Variants in RTN4R observed in about 807,000 individuals in gnomAD.
RTN4R encodes the protein reticulon-4 receptor.
In RTN4R, 4 loss-of-function variants were observed where a neutral mutation model predicts 27.7. That is an observed-to-expected ratio of 0.14 (90% CI 0.07 to 0.33). RTN4R has a LOEUF of 0.33. Ranked by LOEUF, RTN4R falls within the 10% of genes least tolerant of loss-of-function variation. The pLI is 1.00. For synonymous variants in RTN4R, 290 were observed against 305.6 expected (o/e 0.95, Z 0.53); for missense variants, 554 against 671.5 (o/e 0.83, Z 1.93).
At chr22:20,265,944 T>C (rs1002945799) in intron 1 of RTN4R, among the ~76,000 whole-genome samples, 1 of 152,194 alleles carries the variant, frequency 6.6e-6, no homozygotes, top group Non-Finnish European at 1.5e-5. Flanking sequence ...AGGCGACCTG[T>C]CACACCCAAG....
At chr22:20,251,882 TCACTATCAC>T (rs2051182529) in intron 1 of RTN4R, among the ~76,000 whole-genome samples, 1 of 9,452 alleles carries the variant, frequency 1.1e-4, no homozygotes, top group Non-Finnish European at 2.1e-4. Flanking sequence ...ATCATCACTA[TCACTATCAC>T]CACCATCATC....
chr22:20,262,196 T>C (rs532435898), intron 1 of RTN4R, among the ~76,000 whole-genome samples: 2 of 152,224 alleles, frequency 1.3e-5, no homozygotes, highest in South Asian at 2.1e-4. Flanking sequence ...GGCTTGGACG[T>C]TGGGTACGGA....
intron 1 of RTN4R, among the ~76,000 whole-genome samples, chr22:20,246,451 G>A (rs1185505635): frequency 4.6e-5 from 7 of 151,828 alleles, no homozygotes; most frequent in African/African-American, 1.2e-4. Context: ...GGCGGGGGGA[G>A]GAGGAGGTGG....
chr22:20,249,751 C>T (rs2051164510), intron 1 of RTN4R, among the ~76,000 whole-genome samples: 1 of 152,164 alleles, frequency 6.6e-6, no homozygotes, highest in Non-Finnish European at 1.5e-5. Flanking sequence ...TAGGCACATC[C>T]CCATGTGTTC....
chr22:20,251,863 C>CA (rs1317542384), intron 1 of RTN4R, among the ~76,000 whole-genome samples: 3 of 81,030 alleles, frequency 3.7e-5, no homozygotes, highest in Non-Finnish European at 5.3e-5. Flanking sequence ...CCTCACCATC[C>CA]TCATCACCAT....
At chr22:20,254,393 C>T (rs2051200931) in intron 1 of RTN4R, among the ~76,000 whole-genome samples, 1 of 150,998 alleles carries the variant, frequency 6.6e-6, no homozygotes, top group African/African-American at 2.4e-5. Context: ...CATGCCACTG[C>T]ACTCCAGCCT....
chr22:20,242,083 T>C lies in RTN4R; in HGVS notation c.1050A>G (p.Gly350=). 1 of 1,612,492 alleles carries C rather than the reference T, an allele frequency of 6.2e-7. No individual in the cohort carries two copies. Among genetic ancestry groups the C allele is most frequent in the Non-Finnish European group, 8.5e-7 (1 of 1,179,744 alleles). Residue 350 remains glycine (G), a synonymous_variant, in exon 2 of 2, where the codon GGA becomes GGG. Transcript: ENST00000043402. The stretch of plus-strand genomic sequence containing the variant: ...GCGCATTGCCTGCCGAAGCTGGTCT[T>C]CCAGGCTCCAGTACTGAGGCCTTGT... The part of the protein sequence containing the change: ...AADKASVLEP[G]RPASAGNALK...
intron 1 of RTN4R, among the ~76,000 whole-genome samples, chr22:20,264,011 G>T (rs1410604472): frequency 9.8e-5 from 1 of 10,202 alleles, no homozygotes; most frequent in East Asian, 0.5. Context: ...GCCAGCCCAC[G>T]GTTGTCAAAG....
rs915282195 is a variant in RTN4R at position 20,255,208 on chromosome 22, G to A, written c.23-12098C>T. 6.6e-6 allele frequency among the ~76,000 whole-genome samples: 1 copy of A among 152,192 alleles called. No individual in the cohort carries two copies. Among genetic ancestry groups the A allele is most frequent in the African/African-American group, 2.4e-5 (1 of 41,440 alleles). On this transcript the variant is annotated intron_variant, in intron 1 of 1. Coordinates refer to ENST00000043402, the MANE Select transcript of RTN4R (RefSeq NM_023004.6). This position sits in a 1 kb window ranked among gnomAD's most constrained non-coding sequence, Gnocchi z 4.8. ...TTAACTCTGCAATATGTTGTTGACCGAATGTTATTATTTTTTAAAACAACT... is the reference window on the plus strand; with the variant it reads ...TTAACTCTGCAATATGTTGTTGACCAAATGTTATTATTTTTTAAAACAACT...
At chr22:20,250,528 G>A (rs1300315755) in intron 1 of RTN4R, among the ~76,000 whole-genome samples, 1 of 152,206 alleles carries the variant, frequency 6.6e-6, no homozygotes, top group Non-Finnish European at 1.5e-5. Context: ...AGGAAACCAA[G>A]GGTCAGAGAA....
rs766094876 is a variant in RTN4R, at chr22:20,241,974, G to A, written c.1159C>T (p.Leu387=). The change falls in exon 2 of 2, where the codon CTG becomes TTG. Residue 387 remains leucine (L), a synonymous_variant. Coordinates refer to ENST00000043402, the MANE Select transcript of RTN4R (RefSeq NM_023004.6). ...RHINDSPFGT[L]PGSAEPPLTA... is the part of the protein sequence containing the mutation. Reference sequence around the variant, plus strand: ...AGCGGGGGCTCAGCAGAGCCAGGCAGAGTCCCAAAGGGTGAGTCATTGATG... The same window carrying A: ...AGCGGGGGCTCAGCAGAGCCAGGCAAAGTCCCAAAGGGTGAGTCATTGATG... 1 of 1,609,904 alleles carries A rather than the reference G, an allele frequency of 6.2e-7. No homozygotes were observed. Among genetic ancestry groups the A allele is most frequent in the Admixed American group, 1.7e-5 (1 of 60,020 alleles).
intron 1 of RTN4R, among the ~76,000 whole-genome samples, chr22:20,247,631 T>C (rs935427020): frequency 6.6e-6 from 1 of 152,120 alleles, no homozygotes; most frequent in African/African-American, 2.4e-5. Flanking sequence ...GGCAGGAGAT[T>C]GGCAGCAGCT....
At chr22:20,262,250 G>A (rs1241183177) in intron 1 of RTN4R, among the ~76,000 whole-genome samples, 4 of 152,186 alleles carry the variant, frequency 2.6e-5, no homozygotes, top group Non-Finnish European at 5.9e-5. Flanking sequence ...GGCCCAAGGT[G>A]TGTAGTGTGG....
intron 1 of RTN4R, among the ~76,000 whole-genome samples, chr22:20,249,384 C>T (rs112445097): frequency 7.2e-5 from 11 of 152,342 alleles, no homozygotes; most frequent in African/African-American, 2.6e-4. Flanking sequence ...CATGGGCTAG[C>T]ATCCAGACCT....
At chr22:20,265,244 G>C (rs2051270459) in intron 1 of RTN4R, among the ~76,000 whole-genome samples, 1 of 152,188 alleles carries the variant, frequency 6.6e-6, no homozygotes, top group Non-Finnish European at 1.5e-5. Context: ...GAGGGAGGGG[G>C]AGAGCACGGT....
At chr22:20,249,840 GA>G (rs1229937704) in intron 1 of RTN4R, among the ~76,000 whole-genome samples, 5 of 152,352 alleles carry the variant, frequency 3.3e-5, no homozygotes, top group African/African-American at 1.2e-4. Flanking sequence ...ATTCTGCTGT[GA>G]AAAGACACGT....
At chr22:20,251,298 A>G (rs950996131) in intron 1 of RTN4R, among the ~76,000 whole-genome samples, 1 of 152,178 alleles carries the variant, frequency 6.6e-6, no homozygotes, top group Admixed American at 6.5e-5. Context: ...TTAATAACAA[A>G]GAAATATTAA....
chr22:20,268,308 C>CTGGGG lies in RTN4R; in HGVS notation c.-217_-216insCCCCA, dbSNP rs1569044633. ...AGGGCGCACAGGGCGAGGGCGGCGGCGGCGCGGGGGTTGGGGCGTGGGCGG... is the reference window on the plus strand; with the variant it reads ...AGGGCGCACAGGGCGAGGGCGGCGGCTGGGGGGCGCGGGGGTTGGGGCGTGGGCGG... On this transcript the variant is annotated 5_prime_UTR_variant, in exon 1 of 2. Transcript: ENST00000043402. 22 of 904 alleles carry CTGGGG rather than the reference C, an allele frequency of 0.024. No individual in the cohort carries two copies. Among genetic ancestry groups the CTGGGG allele is most frequent in the South Asian group, 0.05 (1 of 20 alleles). 0.1% of individuals were successfully genotyped at this position (904 alleles called of 1,614,324 possible).
chr22:20,263,884 G>A (rs773413089), intron 1 of RTN4R, among the ~76,000 whole-genome samples: 13 of 152,260 alleles, frequency 8.5e-5, no homozygotes, highest in Non-Finnish European at 1.6e-4. Flanking sequence ...AAGAGGCCCC[G>A]CAGGCCATAG....
Sources: gnomAD v4.1 joint callset for allele counts (sites outside exome capture counted in the v4.1 genomes callset) on GRCh38, gnomAD v4.1.1 for gene constraint, Gnocchi (gnomAD v3.1) non-coding constraint, MANE v1.5 for transcripts, NCBI Gene and HGNC (gene_info 2026-07-23, HGNC 2026-07-21) for gene names.